SUGCT: variants seen among roughly 807,000 people sequenced by gnomAD.
SUGCT encodes succinyl-CoA:glutarate CoA-transferase.
A neutral mutation model predicts 55.0 loss-of-function variants in SUGCT; 41 were observed. The ratio of observed to expected loss-of-function variants is 0.74; its 90% CI spans 0.58 to 0.97. SUGCT has a LOEUF of 0.97. Ranked by LOEUF, SUGCT falls within the 50% of genes least tolerant of loss-of-function variation. The pLI, the probability that SUGCT is intolerant of heterozygous loss-of-function variation, is 0.00. For synonymous variants in SUGCT, 187 were observed against 200.4 expected, an observed-to-expected ratio of 0.93 and a Z score of 0.56; for missense variants, 568 against 547.8, an observed-to-expected ratio of 1.04 and a Z score of -0.37.
At chr7:40,553,855 C>G (rs1234694640) in intron 12 of SUGCT, among the ~76,000 whole-genome samples, 3 of 152,170 alleles carry the variant, frequency 2.0e-5, no homozygotes, top group African/African-American at 7.2e-5. Flanking sequence ...GCAGCCCTGC[C>G]CTGGGAACTT....
chr7:40,820,312 G>T (rs1196548373), intron 13 of SUGCT, among the ~76,000 whole-genome samples: 1 of 152,066 alleles, frequency 6.6e-6, no homozygotes, highest in East Asian at 1.9e-4. Flanking sequence ...AAAGTCATTG[G>T]TAGCTTGATG....
At chr7:41,038,430 G>A in the SUGCT span, among the ~76,000 whole-genome samples, 3 of 152,240 alleles carry the variant, frequency 2.0e-5, no homozygotes, top group African/African-American at 7.2e-5. Flanking sequence ...GTCCATTCAG[G>A]GAATGTTCCG....
chr7:40,756,826 T>C lies in SUGCT; in HGVS notation c.1153+7329T>C, dbSNP rs191014086. On this transcript the variant is annotated intron_variant, in intron 13 of 13. Coordinates refer to ENST00000335693, the MANE Select transcript of SUGCT (RefSeq NM_001193313.2). ...AGGAAAAGTGTGTAAAGTTTTCATG[T>C]TGTGCGTAGTGCATAATCTATCTTC... Among the ~76,000 whole-genome samples the C allele has an allele frequency of 2.0e-5, 3 of 152,306 alleles. No individual in the cohort carries two copies. The East Asian group carries it at 5.8e-4, about 29-fold the overall frequency.
chr7:40,957,485 G>A, the SUGCT span, among the ~76,000 whole-genome samples: 1 of 72,300 alleles, frequency 1.4e-5, no homozygotes, highest in Non-Finnish European at 2.6e-5. Flanking sequence ...CTTTCCATTT[G>A]CTTGGTAAAT....
intron 12 of SUGCT, among the ~76,000 whole-genome samples, chr7:40,681,455 C>A (rs1411849937): frequency 1.3e-5 from 2 of 152,014 alleles, no homozygotes; most frequent in Non-Finnish European, 2.9e-5. Context: ...TTATAGAACC[C>A]AACTGGGGCC....
chr7:40,421,128 C>T (rs1164735938), intron 9 of SUGCT, among the ~76,000 whole-genome samples: 1 of 152,186 alleles, frequency 6.6e-6, no homozygotes, highest in Non-Finnish European at 1.5e-5. Context: ...TCTGCAAAGT[C>T]TACCTTGTCA....
At chr7:40,854,415 CTTTCCTTTCTTT>C (rs1306859315) in intron 13 of SUGCT, among the ~76,000 whole-genome samples, 39 of 67,350 alleles carry the variant, frequency 5.8e-4, no homozygotes, top group African/African-American at 1.8e-3. Flanking sequence ...TTCTTTCTTT[CTTTCCTTTCTTT>C]CTTTCTTTCT....
chr7:40,196,200 C>A (rs1786281172), intron 6 of SUGCT, among the ~76,000 whole-genome samples: 1 of 152,184 alleles, frequency 6.6e-6, no homozygotes, highest in East Asian at 1.9e-4. Flanking sequence ...GGGAAAAAGT[C>A]ACGGTGTTAC....
chr7:40,358,740 A>ACAACAG (rs1583501894), intron 9 of SUGCT, among the ~76,000 whole-genome samples: 1 of 152,094 alleles, frequency 6.6e-6, no homozygotes, highest in East Asian at 1.9e-4. Flanking sequence ...AATAACAACA[A>ACAACAG]CAACAACAAC....
At chr7:40,842,560 A>G (rs1793329669) in intron 13 of SUGCT, among the ~76,000 whole-genome samples, 1 of 152,202 alleles carries the variant, frequency 6.6e-6, no homozygotes, top group Admixed American at 6.5e-5. Context: ...ATTTCTGAAA[A>G]TGTAGAAACT....
At chr7:40,854,415 CTTTCCTTTCTTTCTTTCTTT>C (rs1313945569) in intron 13 of SUGCT, among the ~76,000 whole-genome samples, 4 of 67,360 alleles carry the variant, frequency 5.9e-5, no homozygotes, top group African/African-American at 9.9e-5. Context: ...TTCTTTCTTT[CTTTCCTTTCTTTCTTTCTTT>C]CTTTCTTTCT....
At chr7:40,937,484 G>A in the SUGCT span, among the ~76,000 whole-genome samples, 29 of 152,134 alleles carry the variant, frequency 1.9e-4, no homozygotes, top group Non-Finnish European at 3.5e-4. Flanking sequence ...GTCATTATTG[G>A]AAGTGTTATA....
At chr7:40,754,126 T>C (rs1298395048) in intron 13 of SUGCT, among the ~76,000 whole-genome samples, 1 of 152,222 alleles carries the variant, frequency 6.6e-6, no homozygotes, top group Non-Finnish European at 1.5e-5. Flanking sequence ...ATGCTATTGT[T>C]CTTTATTTAG....
chr7:40,883,152 C>T, the SUGCT span, among the ~76,000 whole-genome samples: 1 of 152,190 alleles, frequency 6.6e-6, no homozygotes, highest in African/African-American at 2.4e-5. Context: ...ACTCACCATG[C>T]TTTCTTCTTA....
At chr7:40,418,057 C>T (rs982325646) in intron 9 of SUGCT, among the ~76,000 whole-genome samples, 1 of 152,138 alleles carries the variant, frequency 6.6e-6, no homozygotes, top group Admixed American at 6.5e-5. Context: ...TTTTTGAACA[C>T]AGCCCTAAAT....
the SUGCT span, among the ~76,000 whole-genome samples, chr7:41,006,859 C>T: frequency 6.6e-6 from 1 of 152,168 alleles, no homozygotes; most frequent in Non-Finnish European, 1.5e-5. Flanking sequence ...GCAATGATTA[C>T]ATAGAATGGC....
rs1291252283 is a variant in SUGCT, at chr7:40,283,669, T to C, written c.720+9013T>C. On this transcript the variant is annotated intron_variant, in intron 8 of 13. Coordinates refer to ENST00000335693, the MANE Select transcript of SUGCT (RefSeq NM_001193313.2). ...TTGCTATTATCAGCAAGAGAGATAATAACAAGTGTTGGTGAGGGTGTGGAG... is the reference window on the plus strand; with the variant it reads ...TTGCTATTATCAGCAAGAGAGATAACAACAAGTGTTGGTGAGGGTGTGGAG... 2.6e-5 allele frequency among the ~76,000 whole-genome samples: 4 copies of C among 152,242 alleles called. No individual in the cohort carries two copies. The East Asian group carries it at 7.7e-4, about 29-fold the overall frequency.
intron 13 of SUGCT, among the ~76,000 whole-genome samples, chr7:40,814,714 T>C (rs1046558081): frequency 1.3e-5 from 2 of 152,128 alleles, no homozygotes; most frequent in Admixed American, 1.3e-4. Context: ...TCAGGAGCCA[T>C]TGCTGGAGAG....
intron 13 of SUGCT, among the ~76,000 whole-genome samples, chr7:40,796,546 T>G (rs1192352774): frequency 6.6e-6 from 1 of 152,198 alleles, no homozygotes; most frequent in East Asian, 1.9e-4. Context: ...TATGATTGTA[T>G]TATCACATCG....
Sources: allele counts gnomAD v4.1 joint callset (sites outside exome capture counted in the v4.1 genomes callset), GRCh38; gene constraint gnomAD v4.1.1; transcripts MANE v1.5; gene names NCBI Gene and HGNC (gene_info 2026-07-23, HGNC 2026-07-21).